Variants in ENPP3 observed in about 807,000 individuals in gnomAD.
ENPP3 encodes ectonucleotide pyrophosphatase/phosphodiesterase family member 3.
In ENPP3, 104 loss-of-function variants were observed where a neutral mutation model predicts 117.8. The observed-to-expected ratio is 0.88, with a 90% CI of 0.75 to 1.04. ENPP3 has a LOEUF of 1.04. Ranked by LOEUF, ENPP3 falls within the 50% of genes least tolerant of loss-of-function variation. The pLI is 0.00. For synonymous variants in ENPP3, 380 were observed against 349.9 expected, an observed-to-expected ratio of 1.09 and a Z score of -0.96; for missense variants, 1,026 against 1,051.9, an observed-to-expected ratio of 0.98 and a Z score of 0.34.
chr6:131,694,136 G>C (rs1366543342), intron 15 of ENPP3, among the ~76,000 whole-genome samples: 1 of 152,150 alleles, frequency 6.6e-6, no homozygotes, highest in Non-Finnish European at 1.5e-5. Flanking sequence ...AATGTGCTTA[G>C]AGAAAACAGA....
At position 131,650,160 on chromosome 6, in the gene ENPP3, T is replaced by G. The variant is rs779190169; in HGVS notation, c.277+11T>G. 15 of 1,613,844 alleles carry G rather than the reference T, an allele frequency of 9.3e-6. No individual in the cohort carries two copies. The highest frequency in any genetic ancestry group is 1.3e-5 in the Non-Finnish European group (15 of 1,179,826). ...CCTGTGTGGAATCAAGTATGAGTTC[T>G]GAGAATAAGTTTATTAGCATGTTGC... On this transcript the variant is annotated intron_variant, in intron 3 of 24. Transcript: ENST00000357639.
intron 15 of ENPP3, 54 bp from the exon 16 acceptor site, chr6:131,718,618 T>G (rs971040970): frequency 1.2e-6 from 1 of 853,098 alleles, no homozygotes; most frequent in African/African-American, 1.7e-5. Flanking sequence ...AATCTTACAC[T>G]ATGGTCTCAT....
intron 5 of ENPP3, among the ~76,000 whole-genome samples, chr6:131,657,350 A>G (rs1210558681): frequency 6.6e-6 from 1 of 152,156 alleles, no homozygotes; most frequent in Non-Finnish European, 1.5e-5. Context: ...TTACTTCCCA[A>G]AGACAATCAC....
chr6:131,650,968 G>A (rs372443012), intron 3 of ENPP3, among the ~76,000 whole-genome samples: 37 of 151,746 alleles, frequency 2.4e-4, no homozygotes, highest in South Asian at 1.5e-3. Flanking sequence ...TGCCCAGGCC[G>A]GATTGCAGTG....
At chr6:131,652,704 G>A (rs1478858397) in intron 4 of ENPP3, 37 bp downstream of exon 4, 5 of 1,612,982 alleles carry the variant, frequency 3.1e-6, no homozygotes, top group East Asian at 4.5e-5. Flanking sequence ...GCCCCTGCGA[G>A]TTTAGAGGAA....
chr6:131,719,654 C>A (rs1336232216), intron 16 of ENPP3, among the ~76,000 whole-genome samples: 1 of 151,968 alleles, frequency 6.6e-6, no homozygotes, highest in Non-Finnish European at 1.5e-5. Flanking sequence ...TATATATACA[C>A]CCACACCTGT....
chr6:131,694,333 C>T (rs1030272391), intron 15 of ENPP3, among the ~76,000 whole-genome samples: 1 of 152,210 alleles, frequency 6.6e-6, no homozygotes, highest in African/African-American at 2.4e-5. Flanking sequence ...CTCCTGCTCT[C>T]ATGTACTGTA....
At chr6:131,655,748 T>C (rs1414076928) in intron 5 of ENPP3, among the ~76,000 whole-genome samples, 1 of 152,146 alleles carries the variant, frequency 6.6e-6, no homozygotes, top group Non-Finnish European at 1.5e-5. Flanking sequence ...CACCTGAGGA[T>C]TTGAGAGCTG....
chr6:131,733,464 C>T, intron 20 of ENPP3, 124 bp from the exon 21 acceptor site: 5 of 1,030,424 alleles, frequency 4.9e-6, no homozygotes, highest in Non-Finnish European at 5.5e-6. Context: ...CTTGCGTAGA[C>T]CTGATTCACT....
chr6:131,658,448 A>G (rs756502329), intron 6 of ENPP3, 28 bp downstream of exon 6: 1 of 1,194,518 alleles, frequency 8.4e-7, no homozygotes, highest in Non-Finnish European at 1.2e-6. Context: ...AGTGGCATGC[A>G]AATGATAAAG....
At chr6:131,684,333 T>C (rs1267710537) in intron 12 of ENPP3, among the ~76,000 whole-genome samples, 2 of 152,240 alleles carry the variant, frequency 1.3e-5, no homozygotes, top group African/African-American at 4.8e-5. Flanking sequence ...TGTTTTAAAA[T>C]TAAATGGAAA....
intron 20 of ENPP3, among the ~76,000 whole-genome samples, chr6:131,730,161 G>A (rs1376266248): frequency 1.3e-5 from 2 of 152,086 alleles, no homozygotes; most frequent in African/African-American, 2.4e-5. Flanking sequence ...AAATGTTTGA[G>A]TACAACGATA....
chr6:131,685,249 A>T, intron 12 of ENPP3, 115 bp from the exon 13 acceptor site: 1 of 929,588 alleles, frequency 1.1e-6, no homozygotes, highest in Non-Finnish European at 1.6e-6. Context: ...GTAAATTCTC[A>T]GTGAAGCTTA....
At chr6:131,745,104 G>T (rs144635636) in intron 24 of ENPP3, among the ~76,000 whole-genome samples, 94 of 152,264 alleles carry the variant, frequency 6.2e-4, no homozygotes, top group African/African-American at 1.8e-3. Flanking sequence ...TGCCAAGTAA[G>T]TCAGGAGAGA....
chr6:131,739,005 C>G (rs1780464502), intron 23 of ENPP3, among the ~76,000 whole-genome samples: 1 of 152,146 alleles, frequency 6.6e-6, no homozygotes, highest in Non-Finnish European at 1.5e-5. Context: ...ATAATTCAAA[C>G]TTTGACAGCA....
At chr6:131,654,321 TG>T (rs1778335835) in intron 5 of ENPP3, among the ~76,000 whole-genome samples, 1 of 152,014 alleles carries the variant, frequency 6.6e-6, no homozygotes, top group Admixed American at 6.6e-5. Flanking sequence ...GTATTTTTTT[TG>T]TACAGACAGG....
At chr6:131,715,528 C>T (rs1249556241) in intron 15 of ENPP3, among the ~76,000 whole-genome samples, 6 of 144,320 alleles carry the variant, frequency 4.2e-5, no homozygotes, top group African/African-American at 1.7e-4. Flanking sequence ...ACCCTCTCTG[C>T]TCCACAGATT....
At chr6:131,732,339 G>T (rs1403362970) in intron 20 of ENPP3, among the ~76,000 whole-genome samples, 1 of 152,096 alleles carries the variant, frequency 6.6e-6, no homozygotes, top group African/African-American at 2.4e-5. Flanking sequence ...AAATACTCGA[G>T]TTAGGCAGCA....
chr6:131,735,929 T>C (rs940974131), intron 21 of ENPP3, among the ~76,000 whole-genome samples: 1 of 152,212 alleles, frequency 6.6e-6, no homozygotes, highest in African/African-American at 2.4e-5. Flanking sequence ...AACAGTACTA[T>C]ACTATATACT....
Sources: gnomAD v4.1 joint callset for allele counts (sites outside exome capture counted in the v4.1 genomes callset) on GRCh38, gnomAD v4.1.1 for gene constraint, MANE v1.5 for transcripts, NCBI Gene and HGNC (gene_info 2026-07-23, HGNC 2026-07-21) for gene names.